Variants in PCDH9 observed in about 807,000 individuals in gnomAD.
PCDH9 encodes the protein protocadherin-9.
PCDH9 carries 24 observed loss-of-function variants against 70.6 expected under a neutral mutation model. That is an observed-to-expected ratio of 0.34 (90% CI 0.25 to 0.48). The LOEUF (loss-of-function observed/expected upper bound fraction) is 0.48. Among genes scored for constraint, PCDH9 ranks in the 20% least tolerant of loss-of-function variants. The probability of loss-of-function intolerance (pLI) is 0.99; values close to 1 mark genes in which losing one functional copy is unlikely to be tolerated. For missense variants in PCDH9, 1,281 were observed against 1,503.6 expected (o/e 0.85, Z 2.45); for synonymous variants, 562 against 558.5 (o/e 1.01, Z -0.09).
chr13:66,681,956 T>TATATTTGAGAGATATACAA lies in PCDH9; in HGVS notation c.3139-50546_3139-50545insTTGTATATCTCTCAAATAT, dbSNP rs2078327452. Among the ~76,000 whole-genome samples, 9 of 148,546 alleles carry TATATTTGAGAGATATACAA rather than the reference T, an allele frequency of 6.1e-5. No homozygotes were observed. The South Asian group carries it at 1.9e-3, about 31-fold the overall frequency. On this transcript the variant is annotated intron_variant, in intron 3 of 4. Coordinates refer to ENST00000377865, the MANE Select transcript of PCDH9 (RefSeq NM_203487.3). ...ACATATGAGTATATACAAACATATA[T>TATATTTGAGAGATATACAA]ATATATATATATTTGAGAGATTTTG...
chr13:66,857,229 G>A (rs1426222656), intron 3 of PCDH9, among the ~76,000 whole-genome samples: 2 of 152,134 alleles, frequency 1.3e-5, no homozygotes, highest in Non-Finnish European at 2.9e-5. Flanking sequence ...GAAGAGGTCA[G>A]AGGCTGTTGA....
intron 4 of PCDH9, among the ~76,000 whole-genome samples, chr13:66,626,775 T>C (rs1436627264): frequency 6.6e-6 from 1 of 152,234 alleles, no homozygotes; most frequent in African/African-American, 2.4e-5. Context: ...CTATCAATTA[T>C]TGCTTAATTT....
chr13:66,986,705 C>G (rs2083898353), intron 2 of PCDH9, among the ~76,000 whole-genome samples: 1 of 151,798 alleles, frequency 6.6e-6, no homozygotes, highest in Non-Finnish European at 1.5e-5. Flanking sequence ...GTACTAAAAC[C>G]ATGATGATTT....
At chr13:67,224,071 A>G (rs896736904) in intron 2 of PCDH9, 1 of 152,148 alleles carries the variant, frequency 6.6e-6, no homozygotes, top group African/African-American at 2.4e-5. Flanking sequence ...AAAACTCTTG[A>G]TTCTCCAAAG....
chr13:66,796,133 T>C (rs2139329488), intron 3 of PCDH9, among the ~76,000 whole-genome samples: 1 of 152,308 alleles, frequency 6.6e-6, no homozygotes, highest in East Asian at 1.9e-4. Context: ...GTTTTCACTA[T>C]CCCTTGGCTT....
intron 2 of PCDH9, among the ~76,000 whole-genome samples, chr13:67,038,019 T>G (rs184969451): frequency 6.6e-6 from 1 of 152,042 alleles, no homozygotes; most frequent in Non-Finnish European, 1.5e-5. Flanking sequence ...GAAAAGATCA[T>G]TGAAATGAAA....
intron 2 of PCDH9, among the ~76,000 whole-genome samples, chr13:67,030,163 C>A (rs1353699178): frequency 6.6e-6 from 1 of 152,102 alleles, no homozygotes; most frequent in African/African-American, 2.4e-5. Flanking sequence ...TCACTGCAAC[C>A]ACCACCTCCC....
At chr13:66,986,721 G>A (rs2083898701) in intron 2 of PCDH9, among the ~76,000 whole-genome samples, 1 of 151,922 alleles carries the variant, frequency 6.6e-6, no homozygotes, top group Non-Finnish European at 1.5e-5. Context: ...GATTTGAGAT[G>A]TTTAAAAATA....
intron 3 of PCDH9, among the ~76,000 whole-genome samples, chr13:66,638,359 C>A (rs770553800): frequency 1.1e-4 from 16 of 151,970 alleles, no homozygotes; most frequent in Non-Finnish European, 2.1e-4. Flanking sequence ...CTGTATTAAT[C>A]AGTAGAAATC....
chr13:66,699,727 ATT>A (rs2078612406), intron 3 of PCDH9, among the ~76,000 whole-genome samples: 1 of 152,108 alleles, frequency 6.6e-6, no homozygotes, highest in Admixed American at 6.5e-5. Context: ...GAGATAATAA[ATT>A]TCTCGCAATA....
intron 2 of PCDH9, among the ~76,000 whole-genome samples, chr13:66,923,773 C>T (rs766690729): frequency 1.3e-5 from 2 of 151,620 alleles, no homozygotes; most frequent in Non-Finnish European, 3.0e-5. Flanking sequence ...TTGCACTTTT[C>T]GATTACTGCT....
chr13:66,912,197 T>A (rs1005943050), intron 2 of PCDH9, among the ~76,000 whole-genome samples: 2 of 152,136 alleles, frequency 1.3e-5, no homozygotes, highest in South Asian at 4.1e-4. Flanking sequence ...TTGAAAGACT[T>A]CAGAGATGGA....
intron 3 of PCDH9, among the ~76,000 whole-genome samples, chr13:66,725,357 G>T (rs1182081863): frequency 6.6e-6 from 1 of 152,130 alleles, no homozygotes; most frequent in Non-Finnish European, 1.5e-5. Flanking sequence ...CCCTAAGCCT[G>T]CTGTTGCCTA....
intron 3 of PCDH9, among the ~76,000 whole-genome samples, chr13:66,786,354 C>A (rs2080079651): frequency 6.6e-6 from 1 of 152,084 alleles, no homozygotes; most frequent in Admixed American, 6.6e-5. Flanking sequence ...GCAAGCTGGC[C>A]CAATACAATC....
intron 4 of PCDH9, among the ~76,000 whole-genome samples, chr13:66,523,693 A>C (rs1960094626): frequency 6.6e-6 from 1 of 151,882 alleles, no homozygotes; most frequent in Non-Finnish European, 1.5e-5. Flanking sequence ...TCAGAGGGAA[A>C]AAGCATAATG....
At chr13:66,968,827 G>A (rs1478083583) in intron 2 of PCDH9, among the ~76,000 whole-genome samples, 3 of 151,864 alleles carry the variant, frequency 2.0e-5, no homozygotes, top group Non-Finnish European at 2.9e-5. Context: ...ATCTTTAACT[G>A]TTATAACAAC....
At chr13:67,083,575 T>C (rs1190760143) in intron 2 of PCDH9, among the ~76,000 whole-genome samples, 1 of 152,194 alleles carries the variant, frequency 6.6e-6, no homozygotes, top group South Asian at 2.1e-4. Flanking sequence ...TTCCTTTTAT[T>C]TTTAATTTTT....
intron 2 of PCDH9, among the ~76,000 whole-genome samples, chr13:66,930,671 AC>A (rs1218485293): frequency 6.6e-6 from 1 of 152,128 alleles, no homozygotes; most frequent in Non-Finnish European, 1.5e-5. Flanking sequence ...AGAAGGTGGA[AC>A]CAAGTCTAGA....
intron 4 of PCDH9, among the ~76,000 whole-genome samples, chr13:66,390,203 A>G (rs188270349): frequency 7.4e-4 from 113 of 152,300 alleles, no homozygotes; most frequent in African/African-American, 2.6e-3. Flanking sequence ...TTGCCTCTCA[A>G]ACTCTGCGGA....
Sources: allele counts gnomAD v4.1 joint callset (sites outside exome capture counted in the v4.1 genomes callset), GRCh38; gene constraint gnomAD v4.1.1; transcripts MANE v1.5; gene names NCBI Gene and HGNC (gene_info 2026-07-23, HGNC 2026-07-21).